Variants in LEMD1 observed in about 807,000 individuals in gnomAD.
LEMD1 encodes LEM domain-containing protein 1.
LEMD1 carries 18 observed loss-of-function variants against 17.4 expected under a neutral mutation model. The observed-to-expected ratio is 1.04, with a 90% CI of 0.72 to 1.54. The LOEUF (loss-of-function observed/expected upper bound fraction) is 1.54, where lower values mean the gene tolerates loss of function less well. Ranked by LOEUF, LEMD1 falls within the 40% of genes most tolerant of loss-of-function variation. The pLI is 0.00. For missense variants in LEMD1, 195 were observed against 210.4 expected, an observed-to-expected ratio of 0.93 and a Z score of 0.45; for synonymous variants, 88 against 77.8, an observed-to-expected ratio of 1.13 and a Z score of -0.69.
intron 4 of LEMD1, among the ~76,000 whole-genome samples, chr1:205,402,465 AT>A (rs1189919403): frequency 2.6e-5 from 4 of 152,144 alleles, no homozygotes; most frequent in African/African-American, 4.8e-5. Context: ...CTTTGAAGCA[AT>A]TGTGAATGGG....
chr1:205,410,715 A>G (rs958746428), intron 4 of LEMD1, among the ~76,000 whole-genome samples: 2 of 152,044 alleles, frequency 1.3e-5, no homozygotes, highest in Non-Finnish European at 2.9e-5. Context: ...CTGAATGAAA[A>G]AGTAGCGAGG....
intron 1 of LEMD1, among the ~76,000 whole-genome samples, chr1:205,447,180 GT>G (rs1181244819): frequency 6.6e-6 from 1 of 152,240 alleles, no homozygotes; most frequent in African/African-American, 2.4e-5. Context: ...TCACGTCCCA[GT>G]TGTGCTCCTT....
At chr1:205,401,354 AC>A (rs1175087486) in intron 4 of LEMD1, among the ~76,000 whole-genome samples, 5 of 152,104 alleles carry the variant, frequency 3.3e-5, no homozygotes, top group Non-Finnish European at 5.9e-5. Flanking sequence ...CCTCTCCAGC[AC>A]CTGTTGTTTT....
intron 4 of LEMD1, among the ~76,000 whole-genome samples, chr1:205,393,244 A>G (rs1191894039): frequency 6.6e-6 from 1 of 152,206 alleles, no homozygotes; most frequent in Non-Finnish European, 1.5e-5. Flanking sequence ...CAATAAGCAC[A>G]TAAGATTCCT....
chr1:205,444,003 A>G (rs1261898717), intron 1 of LEMD1, among the ~76,000 whole-genome samples: 1 of 152,112 alleles, frequency 6.6e-6, no homozygotes, highest in Non-Finnish European at 1.5e-5. Context: ...AGAGGGCTCC[A>G]GTACCAGCTG....
At chr1:205,396,643 A>C (rs991292320) in intron 4 of LEMD1, among the ~76,000 whole-genome samples, 5 of 152,264 alleles carry the variant, frequency 3.3e-5, no homozygotes, top group African/African-American at 4.8e-5. Flanking sequence ...ATGACCATGT[A>C]AGCTCACAGC....
chr1:205,447,307 T>A (rs1420132200), intron 1 of LEMD1, among the ~76,000 whole-genome samples: 1 of 152,140 alleles, frequency 6.6e-6, no homozygotes, highest in African/African-American at 2.4e-5. Flanking sequence ...TTAGTGCAGG[T>A]GAGGCGGTTA....
At chr1:205,387,675 T>C (rs936390132) in intron 4 of LEMD1, among the ~76,000 whole-genome samples, 1 of 152,218 alleles carries the variant, frequency 6.6e-6, no homozygotes, top group Non-Finnish European at 1.5e-5. Flanking sequence ...AGCAAAGCAT[T>C]TGGAGCCCAG....
At chr1:205,410,843 G>A (rs547024428) in intron 4 of LEMD1, among the ~76,000 whole-genome samples, 1 of 151,356 alleles carries the variant, frequency 6.6e-6, no homozygotes, top group South Asian at 2.1e-4. Flanking sequence ...CTCCAGCCTG[G>A]GCAACAGAAT....
intron 1 of LEMD1, chr1:205,434,783 T>C (rs1666178969): frequency 6.6e-6 from 1 of 152,214 alleles, no homozygotes; most frequent in African/African-American, 2.4e-5. Context: ...GCAGATTTGA[T>C]GGAAACAAAT....
chr1:205,396,961 A>G (rs1664618301), intron 4 of LEMD1, among the ~76,000 whole-genome samples: 1 of 152,210 alleles, frequency 6.6e-6, no homozygotes, highest in South Asian at 2.1e-4. Flanking sequence ...TTATTTTAAA[A>G]GATTTTCAGA....
chr1:205,407,370 A>AC (rs1665167176), intron 4 of LEMD1, among the ~76,000 whole-genome samples: 2 of 147,946 alleles, frequency 1.4e-5, no homozygotes, highest in African/African-American at 5.0e-5. Flanking sequence ...TTGGAGCCCC[A>AC]CCCCCTGACC....
intron 4 of LEMD1, among the ~76,000 whole-genome samples, chr1:205,395,077 G>C (rs1664527098): frequency 6.6e-6 from 1 of 151,988 alleles, no homozygotes; most frequent in African/African-American, 2.4e-5. Flanking sequence ...GATTATATAA[G>C]TGATATTATG....
intron 4 of LEMD1, among the ~76,000 whole-genome samples, chr1:205,392,682 G>GA (rs1297561609): frequency 6.6e-6 from 1 of 151,986 alleles, no homozygotes; most frequent in Non-Finnish European, 1.5e-5. Context: ...AGAGAAAATA[G>GA]AAAAAAATAA....
In LEMD1 at chr1:205,441,266, T is replaced by C. The variant is rs867402472; in HGVS notation, c.-39+8602A>G. Among the ~76,000 whole-genome samples the C allele has an allele frequency of 6.6e-6, 1 of 152,180 alleles. No homozygotes were observed. The highest frequency in any genetic ancestry group is 1.5e-5 in the Non-Finnish European group (1 of 68,030). On this transcript the variant is annotated intron_variant, in intron 1 of 3. Coordinates refer to the LEMD1 transcript ENST00000367154. This position sits in a 1 kb window ranked among gnomAD's most constrained non-coding sequence, Gnocchi z 4.3. ...TTTGAAACCTCAGTGTTTCCTGATC[T>C]GTGTGGAGCTGATGTCATTCCTCAC...
In LEMD1 at chr1:205,434,847, C is replaced by T. The variant is rs572494690; in HGVS notation, c.-38-14273G>A. ...CAGTGCAAAATAAACACGGATGCCC[C>T]TTCTACCCTGACAACATAATCCATT... On this transcript the variant is annotated intron_variant, in intron 1 of 3. Coordinates refer to the LEMD1 transcript ENST00000367154. The T allele has an allele frequency of 2.6e-5, 4 of 152,290 alleles. No individual in the cohort carries two copies. The South Asian group carries it at 8.3e-4, about 32-fold the overall frequency. 9.4% of individuals were successfully genotyped at this position (152,290 alleles called of 1,614,324 possible).
intron 1 of LEMD1, chr1:205,434,926 G>A (rs915154614): frequency 5.9e-5 from 9 of 152,146 alleles, no homozygotes; most frequent in Admixed American, 1.3e-4. Flanking sequence ...ACAGAGCAGC[G>A]TTTGCCGGCA....
rs532568208 is a variant in LEMD1, at chr1:205,440,600, G to C, written c.-39+9268C>G. On this transcript the variant is annotated intron_variant, in intron 1 of 3. Coordinates refer to the LEMD1 transcript ENST00000367154. ...TGAGAAGAGTCCCCCGAAGCTCTCA[G>C]GGCAGGAAAGAAGTTTCACTCCTTG... 6 of 152,446 alleles carry C rather than the reference G, an allele frequency of 3.9e-5. No homozygotes were observed. In the South Asian group the frequency reaches 1.2e-3, roughly 32 times the overall value. 9.4% of individuals were successfully genotyped at this position (152,446 alleles called of 1,614,324 possible).
chr1:205,381,761 C>T lies in LEMD1; in HGVS notation c.443G>A (p.Arg148Lys), dbSNP rs1366134430. The T allele has an allele frequency of 1.2e-6, 2 of 1,614,260 alleles. No individual in the cohort carries two copies. The highest frequency in any genetic ancestry group is 1.7e-6 in the Non-Finnish European group (2 of 1,180,040). ...CAAGCCCACTGGGAAACCTTCTTCT[C>T]TCCAGCTCTCGATAGTCTGGTCTTC... ...CAEDQTIESW[R>K]EEGFPVGLKL... is the part of the protein sequence containing the mutation. Residue 148 changes from arginine (R) to lysine (K), a missense_variant, in exon 6 of 6, where the codon AGA (arginine) becomes AAA (lysine). Transcript: ENST00000367153.
Sources: gnomAD v4.1 joint callset for allele counts (sites outside exome capture counted in the v4.1 genomes callset) on GRCh38, gnomAD v4.1.1 for gene constraint, Gnocchi (gnomAD v3.1) non-coding constraint, MANE v1.5 for transcripts, NCBI Gene and HGNC (gene_info 2026-07-23, HGNC 2026-07-21) for gene names.